The following OTULINL variants were observed in gnomAD, a reference collection of about 807,000 sequenced individuals.
The protein encoded by OTULINL is inactive ubiquitin thioesterase OTULINL.
A neutral mutation model predicts 43.9 loss-of-function variants in OTULINL; 42 were observed. The observed-to-expected ratio is 0.96, with a 90% CI of 0.75 to 1.24. The LOEUF (loss-of-function observed/expected upper bound fraction) is 1.24. Ranked by LOEUF, OTULINL falls within the 50% of genes most tolerant of loss-of-function variation. OTULINL has a pLI of 0.00. For missense variants in OTULINL, 411 were observed against 426.4 expected, an observed-to-expected ratio of 0.96 and a Z score of 0.32; for synonymous variants, 172 against 153.6, an observed-to-expected ratio of 1.12 and a Z score of -0.88.
chr5:14,582,893 C>G (rs911831278), intron 1 of OTULINL, among the ~76,000 whole-genome samples: 3 of 151,412 alleles, frequency 2.0e-5, no homozygotes, highest in Non-Finnish European at 4.4e-5. Flanking sequence ...TGCTGGGTCT[C>G]GACGTCTCCA....
At chr5:14,604,861 C>T (rs1312596998) in intron 5 of OTULINL, among the ~76,000 whole-genome samples, 1 of 152,242 alleles carries the variant, frequency 6.6e-6, no homozygotes, top group African/African-American at 2.4e-5. Context: ...AGGGTACAGC[C>T]TCCCTCCTGG....
At chr5:14,583,790 C>G (rs969283614) in intron 1 of OTULINL, among the ~76,000 whole-genome samples, 2 of 152,204 alleles carry the variant, frequency 1.3e-5, no homozygotes, top group African/African-American at 2.4e-5. Flanking sequence ...GTTTTAAAAT[C>G]AGTTGTCAAA....
At chr5:14,586,885 AAAAG>A (rs997905987) in intron 1 of OTULINL, among the ~76,000 whole-genome samples, 12 of 152,146 alleles carry the variant, frequency 7.9e-5, no homozygotes, top group African/African-American at 2.4e-4. Flanking sequence ...CAAAAAAAAA[AAAAG>A]AAGCATACCT....
intron 1 of OTULINL, among the ~76,000 whole-genome samples, chr5:14,582,875 C>G (rs1217982875): frequency 6.7e-6 from 1 of 150,092 alleles, no homozygotes; most frequent in Non-Finnish European, 1.5e-5. Context: ...CCTGGGAGTT[C>G]AGTCAGGTGC....
rs183738902 is a variant in OTULINL, at chr5:14,614,660, A to G, written c.*4346A>G. ...TGGAGTGCTCTGTAGAACAGCCCGAAGTGTACACCATGTCTCTGCACTTGA... is the reference window on the plus strand; with the variant it reads ...TGGAGTGCTCTGTAGAACAGCCCGAGGTGTACACCATGTCTCTGCACTTGA... On this transcript the variant is annotated 3_prime_UTR_variant, in exon 8 of 8. Transcript: ENST00000274217. 449 of 398,630 alleles carry G rather than the reference A, an allele frequency of 1.1e-3. 1 individual carries two copies. The highest frequency in any genetic ancestry group is 8.3e-3 in the African/African-American group (406 of 48,744). 24.7% of individuals were successfully genotyped at this position (398,630 alleles called of 1,614,324 possible).
At chr5:14,589,288 T>C (rs1055668526) in intron 1 of OTULINL, among the ~76,000 whole-genome samples, 2 of 151,656 alleles carry the variant, frequency 1.3e-5, no homozygotes, top group African/African-American at 4.8e-5. Flanking sequence ...AACAGAGAAG[T>C]GATGTTTGAG....
At position 14,601,238 on chromosome 5, in the gene OTULINL, T is replaced by C. The variant is rs372117896; in HGVS notation, c.250T>C (p.Phe84Leu). Reference protein sequence around the residue: ...KWWIGYLQRKFKRNLSVEAEV... With the variant: ...KWWIGYLQRKLKRNLSVEAEV... ...GTGGATTGGATATCTGCAGAGAAAATTCAAAAGTAAATATTTTCATTCATT... is the reference window on the plus strand; with the variant it reads ...GTGGATTGGATATCTGCAGAGAAAACTCAAAAGTAAATATTTTCATTCATT... Residue 84 changes from phenylalanine (F) to leucine (L), a missense_variant, in exon 3 of 8, where the codon TTC becomes CTC. Transcript: ENST00000274217. 2.8e-5 allele frequency: 45 copies of C among 1,612,106 alleles called. 1 individual carries two copies. The South Asian group carries it at 4.7e-4, about 17-fold the overall frequency.
At chr5:14,590,727 CTG>C (rs1354291496) in intron 1 of OTULINL, among the ~76,000 whole-genome samples, 2 of 152,170 alleles carry the variant, frequency 1.3e-5, no homozygotes, top group African/African-American at 4.8e-5. Flanking sequence ...AAGCCACTGA[CTG>C]TCACTACTAT....
intron 1 of OTULINL, among the ~76,000 whole-genome samples, chr5:14,586,199 G>A (rs1447605980): frequency 6.6e-6 from 1 of 152,168 alleles, no homozygotes; most frequent in African/African-American, 2.4e-5. Context: ...TCAAAATGAG[G>A]TTGCATACAC....
At position 14,607,494 on chromosome 5, in the gene OTULINL, TAA is replaced by T. The variant is rs761248417; in HGVS notation, c.627+39_627+40del. ...GCGGGGGAAATAAAAAGACTAGGAA[TAA>T]AAGCACATATCCCAGATAGAGCCAG... is the stretch of plus-strand genomic sequence containing the variant. On this transcript the variant is annotated intron_variant, in intron 6 of 7. Transcript: ENST00000274217. 3.7e-6 allele frequency: 6 copies of T among 1,610,806 alleles called. 1 individual carries two copies. The African/African-American group carries it at 8.0e-5, about 22-fold the overall frequency.
At chr5:14,591,750 C>A (rs1376215413) in intron 1 of OTULINL, among the ~76,000 whole-genome samples, 5 of 152,098 alleles carry the variant, frequency 3.3e-5, no homozygotes, top group African/African-American at 1.2e-4. Context: ...TTGTTTGTAG[C>A]TGTGCAGTAC....
At chr5:14,588,548 T>C (rs1759146205) in intron 1 of OTULINL, among the ~76,000 whole-genome samples, 1 of 152,228 alleles carries the variant, frequency 6.6e-6, no homozygotes, top group Admixed American at 6.5e-5. Flanking sequence ...ACCACCAGGA[T>C]AGAGGCTCTT....
chr5:14,609,050 T>C, intron 7 of OTULINL, 33 bp downstream of exon 7: 1 of 1,587,432 alleles, frequency 6.3e-7, no homozygotes, highest in Non-Finnish European at 8.6e-7. Flanking sequence ...TTGTATTTGA[T>C]TAAGGATGCT....
chr5:14,586,223 GTAAT>G (rs1759099617), intron 1 of OTULINL, among the ~76,000 whole-genome samples: 1 of 152,168 alleles, frequency 6.6e-6, no homozygotes, highest in Non-Finnish European at 1.5e-5. Context: ...TATCTGATTT[GTAAT>G]TAATTTAATG....
intron 1 of OTULINL, among the ~76,000 whole-genome samples, chr5:14,599,424 G>C (rs537622586): frequency 4.0e-5 from 6 of 151,824 alleles, no homozygotes; most frequent in African/African-American, 1.5e-4. Context: ...GGAGGCAGAG[G>C]TTATGGTGAG....
rs140057994 is a variant in OTULINL, at chr5:14,601,137, A to G, written c.224+13A>G. On this transcript the variant is annotated intron_variant, in intron 2 of 7. Coordinates refer to ENST00000274217, the MANE Select transcript of OTULINL (RefSeq NM_019018.3). Reference sequence around the variant, plus strand: ...ACAAGCTGAAATGGTAGGTCACTGTATCATCCTTAAATTTCAAATGTATCT... The same window carrying G: ...ACAAGCTGAAATGGTAGGTCACTGTGTCATCCTTAAATTTCAAATGTATCT... 4.5e-3 allele frequency: 7,195 copies of G among 1,611,602 alleles called. 30 individuals are homozygous for G. Among genetic ancestry groups the G allele is most frequent in the Non-Finnish European group, 5.2e-3 (6,129 of 1,179,052 alleles).
At chr5:14,597,422 C>G (rs1442257626) in intron 1 of OTULINL, among the ~76,000 whole-genome samples, 1 of 152,196 alleles carries the variant, frequency 6.6e-6, no homozygotes, top group African/African-American at 2.4e-5. Context: ...ATATCACATG[C>G]TGCAGTATGC....
chr5:14,592,981 C>G (rs1759230702), intron 1 of OTULINL, among the ~76,000 whole-genome samples: 1 of 152,190 alleles, frequency 6.6e-6, no homozygotes, highest in Non-Finnish European at 1.5e-5. Context: ...AGATTCCCTT[C>G]TTACAGTGCT....
chr5:14,582,862 C>G (rs114415896), intron 1 of OTULINL, among the ~76,000 whole-genome samples: 1,702 of 150,252 alleles, frequency 0.011, 29 homozygotes, highest in African/African-American at 0.04. Flanking sequence ...GGCAGCAGCA[C>G]AGCCTGGGAG....
Sources: allele counts gnomAD v4.1 joint callset (sites outside exome capture counted in the v4.1 genomes callset), GRCh38; gene constraint gnomAD v4.1.1; transcripts MANE v1.5; gene names NCBI Gene and HGNC (gene_info 2026-07-23, HGNC 2026-07-21).